CEP131: variants seen among roughly 807,000 people sequenced by gnomAD.
The protein encoded by CEP131 is centrosomal protein 131.
In CEP131, 99 loss-of-function variants were observed where a neutral mutation model predicts 136.8. The observed-to-expected ratio is 0.72, with a 90% CI of 0.62 to 0.86. CEP131 has a LOEUF of 0.86. Among genes scored for constraint, CEP131 ranks in the 40% least tolerant of loss-of-function variants. CEP131 has a pLI of 0.00. For synonymous variants in CEP131, 646 were observed against 612.7 expected, an observed-to-expected ratio of 1.05 and a Z score of -0.80; for missense variants, 1,459 against 1,463.0, an observed-to-expected ratio of 1.00 and a Z score of 0.04.
chr17:81,190,359 C>T (rs2146470401), intron 24 of CEP131, among the ~76,000 whole-genome samples: 1 of 152,300 alleles, frequency 6.6e-6, no homozygotes, highest in African/African-American at 2.4e-5. Flanking sequence ...CCCAGGGCCC[C>T]GGGAGCTGAC....
At position 81,189,948 on chromosome 17, in the gene CEP131, C is replaced by T. The variant is rs532813984; in HGVS notation, c.3135G>A (p.Glu1045=). Residue 1045 remains glutamate, a synonymous_variant, in exon 25 of 26, where the codon GAG becomes GAA. Transcript: ENST00000450824. ...RRVKTALARK[E]EAVSSLRTQH... ...GTGTCCGGAGGCTGCTCACGGCCTCCTCCTTCCTCGCGAGGGCTGTCTTCA... is the reference window on the plus strand; with the variant it reads ...GTGTCCGGAGGCTGCTCACGGCCTCTTCCTTCCTCGCGAGGGCTGTCTTCA... 6.2e-7 allele frequency: 1 copy of T among 1,611,440 alleles called. No individual in the cohort carries two copies.
At chr17:81,198,056 GCT>G (rs2061804962) in intron 12 of CEP131, 57 bp downstream of exon 12, 1 of 1,501,210 alleles carries the variant, frequency 6.7e-7, no homozygotes, top group Non-Finnish European at 8.9e-7. Context: ...GCCACCGCAT[GCT>G]CTGTGTGAAT....
intron 2 of CEP131, among the ~76,000 whole-genome samples, chr17:81,210,206 C>T (rs1372096649): frequency 7.2e-5 from 11 of 152,194 alleles, no homozygotes; most frequent in Admixed American, 6.5e-4. Context: ...CCCTCCAAAT[C>T]GGCCAGATGC....
chr17:81,197,158 C>A, intron 13 of CEP131, 103 bp from the exon 14 acceptor site: 1 of 1,436,212 alleles, frequency 7.0e-7, no homozygotes, highest in South Asian at 1.4e-5. Context: ...GACAGAGGGG[C>A]TGCTGCACAC....
intron 6 of CEP131, 42 bp from the exon 7 acceptor site, chr17:81,202,440 G>C: frequency 6.9e-6 from 11 of 1,594,570 alleles, no homozygotes; most frequent in Non-Finnish European, 9.4e-6. Flanking sequence ...ACCGCCCAGG[G>C]GAACAGCTCT....
At chr17:81,196,171 C>A (rs978201621) in intron 15 of CEP131, among the ~76,000 whole-genome samples, 1 of 152,128 alleles carries the variant, frequency 6.6e-6, no homozygotes. Flanking sequence ...CTGGGGGACC[C>A]GGCGAATGTC....
rs149386731 is a variant in CEP131, at chr17:81,194,254, A to G, written c.2120-127T>C. ...GCCCACCCAGGGCCTCCTTGGATCCAACCCGAAGCACAGCTGAGTCTTGAC... is the reference window on the plus strand; with the variant it reads ...GCCCACCCAGGGCCTCCTTGGATCCGACCCGAAGCACAGCTGAGTCTTGAC... On this transcript the variant is annotated intron_variant, in intron 17 of 25. Coordinates refer to ENST00000450824, the MANE Select transcript of CEP131 (RefSeq NM_014984.4). 327 of 852,424 alleles carry G rather than the reference A, an allele frequency of 3.8e-4. 3 individuals are homozygous for G. The East Asian group carries it at 0.01, about 26-fold the overall frequency. 52.8% of individuals were successfully genotyped at this position (852,424 alleles called of 1,614,324 possible).
Position 81,198,197 on chromosome 17 carries a change from G to T in CEP131, c.1388C>A (p.Thr463Lys), listed in dbSNP as rs1198172272. 1 of 1,589,434 alleles carries T rather than the reference G, an allele frequency of 6.3e-7. No homozygotes were observed. The highest frequency in any genetic ancestry group is 8.6e-7 in the Non-Finnish European group (1 of 1,167,774). ...SRGPLEELLH[T>K]LQLLEKEPDV... Reference sequence around the variant, plus strand: ...CGGCTCCTTCTCCAGCAGCTGCAGTGTGTGCAGCAGCTCCTCCAGTGGCCC... The same window carrying T: ...CGGCTCCTTCTCCAGCAGCTGCAGTTTGTGCAGCAGCTCCTCCAGTGGCCC... Residue 463 changes from threonine to lysine, a missense_variant, in exon 12 of 26, where the codon ACA (threonine) becomes AAA (lysine). Transcript: ENST00000450824.
intron 7 of CEP131, among the ~76,000 whole-genome samples, 160 bp downstream of exon 7, chr17:81,202,080 G>A (rs1269781241): frequency 6.0e-5 from 9 of 149,180 alleles, no homozygotes; most frequent in African/African-American, 2.0e-4. Context: ...CAGCCTGGGC[G>A]ACAGAGCGAG....
At chr17:81,207,999 CCAGA>C (rs1251332837) in intron 3 of CEP131, among the ~76,000 whole-genome samples, 24 of 4,764 alleles carry the variant, frequency 5.0e-3, no homozygotes, top group African/African-American at 0.013. Context: ...AAACCACACC[CCAGA>C]CACACACCAC....
chr17:81,209,159 A>T, intron 2 of CEP131, 137 bp from the exon 3 acceptor site: 1 of 659,522 alleles, frequency 1.5e-6, no homozygotes, highest in Non-Finnish European at 2.6e-6. Context: ...AAGTGGCCTC[A>T]AAGGCAGTGG....
chr17:81,192,784 T>C lies in CEP131; in HGVS notation c.2381A>G (p.Tyr794Cys), dbSNP rs1297059070. The C allele has an allele frequency of 6.3e-7, 1 of 1,597,688 alleles. No homozygotes were observed. The highest frequency in any genetic ancestry group is 1.3e-5 in the African/African-American group (1 of 74,990). ...CTCCCTCTCCTCAGCCACCTCACTGTACAGCCGCTGCCGTTGCTGCTGCAG... is the reference window on the plus strand; with the variant it reads ...CTCCCTCTCCTCAGCCACCTCACTGCACAGCCGCTGCCGTTGCTGCTGCAG... ...WALQQQRQRL[Y>C]SEVAEERERL... The change falls in exon 19 of 26, where the codon TAC (tyrosine) becomes TGC (cysteine). Residue 794 changes from tyrosine (Y) to cysteine (C), a missense_variant. Coordinates refer to ENST00000450824, the MANE Select transcript of CEP131 (RefSeq NM_014984.4).
chr17:81,207,354 A>G, intron 3 of CEP131, 115 bp from the exon 4 acceptor site: 2 of 868,386 alleles, frequency 2.3e-6, no homozygotes, highest in Admixed American at 5.1e-5. Context: ...ACTAGCAGCA[A>G]CTCTGTTTCT....
At chr17:81,210,974 G>A (rs1295258774) in intron 2 of CEP131, among the ~76,000 whole-genome samples, 1 of 152,136 alleles carries the variant, frequency 6.6e-6, no homozygotes, top group Admixed American at 6.5e-5. Context: ...AGCCCAGCTC[G>A]GCGGCAGCAG....
Position 81,196,840 on chromosome 17 carries a change from G to C in CEP131, c.1774-14C>G. ...TCGCTGCTGCGCCTGCAGGGTGTGGGCAGAGGAGGGAAGCGCTAGGACCGG... is the reference window on the plus strand; with the variant it reads ...TCGCTGCTGCGCCTGCAGGGTGTGGCCAGAGGAGGGAAGCGCTAGGACCGG... On this transcript the variant is annotated splice_polypyrimidine_tract_variant and intron_variant, in intron 14 of 25. Transcript: ENST00000450824. The C allele has an allele frequency of 6.3e-7, 1 of 1,597,676 alleles. No individual in the cohort carries two copies. The highest frequency in any genetic ancestry group is 8.5e-7 in the Non-Finnish European group (1 of 1,173,180).
chr17:81,220,134 C>T, intron 1 of CEP131, 61 bp from the exon 2 acceptor site: 1 of 1,320,388 alleles, frequency 7.6e-7, no homozygotes, highest in Non-Finnish European at 9.7e-7. Flanking sequence ...CCCCTGCACC[C>T]ACCATCTCCA....
rs766813702 is a variant in CEP131, at chr17:81,190,698, C to T, written c.3048G>A (p.Lys1016=). The stretch of plus-strand genomic sequence containing the variant: ...GGGCCTGCAGCGTGGCCAGCTCGGC[C>T]TTGGCCTGCCGCGTCTCCTCCTCAG... The part of the protein sequence containing the change: ...AASEEETRQA[K]AELATLQARQ... The change falls in exon 24 of 26, where the codon AAG becomes AAA. Residue 1016 remains lysine, a synonymous_variant. Transcript: ENST00000450824. 3 of 1,607,074 alleles carry T rather than the reference C, an allele frequency of 1.9e-6. No homozygotes were observed. The South Asian group carries it at 3.3e-5, about 18-fold the overall frequency.
At chr17:81,217,922 A>G (rs1282924709) in intron 2 of CEP131, among the ~76,000 whole-genome samples, 2 of 152,180 alleles carry the variant, frequency 1.3e-5, no homozygotes, top group Non-Finnish European at 2.9e-5. Flanking sequence ...ATGCCGCCGA[A>G]AGACCATCTA....
In CEP131 at chr17:81,192,336, G is replaced by GGCCTCCCACGCCT; in HGVS notation, c.2591_2603dup (p.Arg870ValfsTer33). On this transcript the variant is annotated frameshift_variant, in exon 21 of 26. Coordinates refer to ENST00000450824, the MANE Select transcript of CEP131 (RefSeq NM_014984.4). LOFTEE classifies it high-confidence loss of function. ...CCCCCACCTCCTTCCTGGTGCGGCCGGCCTCCCACGCCTGCCTCTCCAGCT... is the reference window on the plus strand; with the variant it reads ...CCCCCACCTCCTTCCTGGTGCGGCCGGCCTCCCACGCCTGCCTCCCACGCCTGCCTCTCCAGCT... The GGCCTCCCACGCCT allele has an allele frequency of 6.4e-7, 1 of 1,566,414 alleles. No homozygotes were observed. Among genetic ancestry groups the GGCCTCCCACGCCT allele is most frequent in the Non-Finnish European group, 8.6e-7 (1 of 1,157,308 alleles).
Sources: allele counts gnomAD v4.1 joint callset (sites outside exome capture counted in the v4.1 genomes callset), GRCh38; gene constraint gnomAD v4.1.1; transcripts MANE v1.5; gene names NCBI Gene and HGNC (gene_info 2026-07-23, HGNC 2026-07-21).